The following ALCAM variants were observed in gnomAD, a reference collection of about 807,000 sequenced individuals.
ALCAM encodes activated leukocyte cell adhesion molecule.
A neutral mutation model predicts 70.9 loss-of-function variants in ALCAM; 30 were observed. The observed-to-expected ratio is 0.42, with a 90% confidence interval of 0.32 to 0.57. The LOEUF (loss-of-function observed/expected upper bound fraction) is 0.57, where lower values mean the gene tolerates loss of function less well. Among genes scored for constraint, ALCAM ranks in the 20% least tolerant of loss-of-function variants. The probability of loss-of-function intolerance (pLI) is 0.11; values close to 1 mark genes in which losing one functional copy is unlikely to be tolerated. For missense variants in ALCAM, 591 were observed against 695.1 expected, an observed-to-expected ratio of 0.85 and a Z score of 1.68; for synonymous variants, 249 against 242.5, an observed-to-expected ratio of 1.03 and a Z score of -0.25.
At chr3:105,479,118 G>C (rs998407710) in intron 1 of ALCAM, among the ~76,000 whole-genome samples, 2 of 152,042 alleles carry the variant, frequency 1.3e-5, no homozygotes, top group Admixed American at 6.6e-5. Flanking sequence ...AAGATCACAG[G>C]AAACTTTTCT....
At chr3:105,499,979 T>C (rs1264450907) in intron 1 of ALCAM, among the ~76,000 whole-genome samples, 1 of 152,224 alleles carries the variant, frequency 6.6e-6, no homozygotes, top group Non-Finnish European at 1.5e-5. Context: ...CTATCTTTTC[T>C]TATTTCAATT....
intron 14 of ALCAM, among the ~76,000 whole-genome samples, chr3:105,562,266 T>C (rs1290524128): frequency 6.6e-6 from 1 of 152,234 alleles, no homozygotes; most frequent in East Asian, 1.9e-4. Context: ...GATATCTCTT[T>C]GGATGAAGCA....
chr3:105,424,027 C>T (rs1188773711), intron 1 of ALCAM, among the ~76,000 whole-genome samples: 1 of 151,516 alleles, frequency 6.6e-6, no homozygotes, highest in East Asian at 1.9e-4. Flanking sequence ...GCCATGTACA[C>T]TATTCTAGAT....
intron 14 of ALCAM, among the ~76,000 whole-genome samples, chr3:105,562,995 G>A (rs1017487011): frequency 1.3e-5 from 2 of 151,748 alleles, no homozygotes; most frequent in Non-Finnish European, 1.5e-5. Flanking sequence ...TAGTAGAGAC[G>A]GGGTTTCTCC....
chr3:105,507,322 G>A (rs1017054234), intron 1 of ALCAM, among the ~76,000 whole-genome samples: 2 of 151,816 alleles, frequency 1.3e-5, no homozygotes, highest in African/African-American at 4.8e-5. Flanking sequence ...CTGTTGTGTT[G>A]TACATTTTAT....
intron 1 of ALCAM, among the ~76,000 whole-genome samples, chr3:105,484,296 TTA>T (rs764512481): frequency 2.7e-5 from 4 of 149,322 alleles, no homozygotes; most frequent in East Asian, 1.9e-4. Context: ...ATAATTTTAG[TTA>T]TATATATATA....
chr3:105,461,584 G>C (rs899083771), intron 1 of ALCAM, among the ~76,000 whole-genome samples: 1 of 151,812 alleles, frequency 6.6e-6, no homozygotes, highest in African/African-American at 2.4e-5. Context: ...ATGTGAAGAA[G>C]TGGGGCTTTG....
intron 1 of ALCAM, among the ~76,000 whole-genome samples, chr3:105,394,001 A>G (rs1433166925): frequency 6.6e-6 from 1 of 151,872 alleles, no homozygotes; most frequent in East Asian, 1.9e-4. Context: ...AAATACTGTT[A>G]TTTTGTGCCT....
At chr3:105,522,535 T>G (rs554083181) in intron 2 of ALCAM, among the ~76,000 whole-genome samples, 6 of 152,178 alleles carry the variant, frequency 3.9e-5, no homozygotes, top group Non-Finnish European at 8.8e-5. Flanking sequence ...GATCATATTG[T>G]AAACTCCCTG....
At chr3:105,501,023 T>C (rs763209197) in intron 1 of ALCAM, among the ~76,000 whole-genome samples, 3 of 152,174 alleles carry the variant, frequency 2.0e-5, no homozygotes, top group East Asian at 1.9e-4. Context: ...ACTCTTTACA[T>C]TGAATCTCTT....
intron 2 of ALCAM, among the ~76,000 whole-genome samples, chr3:105,521,925 G>A (rs193037888): frequency 1.1e-3 from 174 of 152,298 alleles, no homozygotes; most frequent in South Asian, 1.9e-3. Context: ...TGAAGTTAAG[G>A]CCTCTGAGGA....
intron 2 of ALCAM, among the ~76,000 whole-genome samples, chr3:105,521,566 CAAT>C (rs1217273547): frequency 6.6e-6 from 1 of 152,136 alleles, no homozygotes; most frequent in Non-Finnish European, 1.5e-5. Flanking sequence ...ACAGGTTCCA[CAAT>C]GTGCTCACTG....
In ALCAM at chr3:105,509,743, G is replaced by A. The variant is rs1411894571; in HGVS notation, c.74-10324G>A. Among the ~76,000 whole-genome samples the A allele has an allele frequency of 3.3e-5, 5 of 151,704 alleles. No homozygotes were observed. The South Asian group carries it at 6.2e-4, about 19-fold the overall frequency. On this transcript the variant is annotated intron_variant, in intron 1 of 15. Transcript: ENST00000306107. ...TTTAGTTTAATATAGTCTTACCTGC[G>A]TATTTTAATTTTGTTGCCTGTGCTT...
chr3:105,547,609 T>A, intron 11 of ALCAM, 86 bp downstream of exon 11: 1 of 1,508,174 alleles, frequency 6.6e-7, no homozygotes, highest in South Asian at 1.3e-5. Flanking sequence ...GTTGGTTTGT[T>A]ACCACATAAA....
intron 1 of ALCAM, among the ~76,000 whole-genome samples, chr3:105,440,538 G>T (rs2152583212): frequency 6.6e-6 from 1 of 152,208 alleles, no homozygotes; most frequent in East Asian, 1.9e-4. Context: ...CTCTGATTCA[G>T]GACTCAGCTA....
chr3:105,449,173 G>A (rs1386355398), intron 1 of ALCAM, among the ~76,000 whole-genome samples: 1 of 152,120 alleles, frequency 6.6e-6, no homozygotes, highest in African/African-American at 2.4e-5. Flanking sequence ...ACAACTGTAT[G>A]TTCTTATTAA....
intron 1 of ALCAM, among the ~76,000 whole-genome samples, chr3:105,418,843 G>A (rs1412651531): frequency 1.3e-5 from 2 of 151,540 alleles, no homozygotes; most frequent in Non-Finnish European, 3.0e-5. Context: ...AAGACTTCTG[G>A]TCACAAATTC....
intron 1 of ALCAM, among the ~76,000 whole-genome samples, chr3:105,414,537 A>G (rs1936463013): frequency 6.6e-6 from 1 of 152,136 alleles, no homozygotes; most frequent in African/African-American, 2.4e-5. Flanking sequence ...TGACCTAGAA[A>G]GGAAGAGGAG....
chr3:105,370,338 C>A (rs977069500), intron 1 of ALCAM, among the ~76,000 whole-genome samples: 2 of 152,122 alleles, frequency 1.3e-5, no homozygotes, highest in African/African-American at 2.4e-5. Context: ...AATCCAATAG[C>A]AATTTACAAT....
Sources: gnomAD v4.1 joint callset for allele counts (sites outside exome capture counted in the v4.1 genomes callset) on GRCh38, gnomAD v4.1.1 for gene constraint, MANE v1.5 for transcripts, NCBI Gene and HGNC (gene_info 2026-07-23, HGNC 2026-07-21) for gene names.